The following KIF5C variants were observed in gnomAD, a reference collection of about 807,000 sequenced individuals.
The protein encoded by KIF5C is kinesin heavy chain isoform 5C.
Under a neutral mutation model 125.2 loss-of-function variants are expected in KIF5C, and 18 were observed. The ratio of observed to expected loss-of-function variants is 0.14; its 90% CI spans 0.10 to 0.21. KIF5C has a LOEUF of 0.21. Ranked by LOEUF, KIF5C falls within the 10% of genes least tolerant of loss-of-function variation. KIF5C has a pLI of 1.00. For missense variants in KIF5C, 780 were observed against 1,183.8 expected, an observed-to-expected ratio of 0.66 and a Z score of 5.01; for synonymous variants, 405 against 434.0, an observed-to-expected ratio of 0.93 and a Z score of 0.83.
chr2:148,899,702 C>CAAAAAAAAAA (rs771196518), intron 1 of KIF5C, among the ~76,000 whole-genome samples: 9 of 46,060 alleles, frequency 2.0e-4, no homozygotes, highest in Non-Finnish European at 2.3e-4. Context: ...AACTCCATCT[C>CAAAAAAAAAA]AAAAAAAAAA....
At chr2:148,981,607 T>G (rs1681238282) in intron 14 of KIF5C, 46 bp downstream of exon 14, 2 of 1,527,076 alleles carry the variant, frequency 1.3e-6, no homozygotes, top group Non-Finnish European at 1.8e-6. Flanking sequence ...TGGCTGCCGT[T>G]CCTGTACTCA....
In KIF5C at chr2:148,957,189, C is replaced by T. The variant is rs1468364874; in HGVS notation, c.969-4782C>T. 5.9e-5 allele frequency among the ~76,000 whole-genome samples: 9 copies of T among 152,214 alleles called. No homozygotes were observed. In the East Asian group the frequency reaches 1.2e-3, roughly 20 times the overall value. ...AACAAGGCTGAACAATAAATGCACA[C>T]GTGTGGGCCTGTGCCCAAGTTCCGG... On this transcript the variant is annotated intron_variant, in intron 10 of 25. Coordinates refer to ENST00000435030, the MANE Select transcript of KIF5C (RefSeq NM_004522.3).
chr2:148,887,522 G>T (rs1444626974), intron 1 of KIF5C, among the ~76,000 whole-genome samples: 1 of 152,086 alleles, frequency 6.6e-6, no homozygotes, highest in Admixed American at 6.6e-5. Context: ...TAAAAAAATC[G>T]CTTCGTATCA....
At chr2:148,961,708 A>G (rs1395502316) in intron 10 of KIF5C, among the ~76,000 whole-genome samples, 1 of 152,200 alleles carries the variant, frequency 6.6e-6, no homozygotes, top group Non-Finnish European at 1.5e-5. Flanking sequence ...AGAGAGAAAG[A>G]GGAAACCCTG....
chr2:149,011,205 A>G (rs1682184425), intron 24 of KIF5C, among the ~76,000 whole-genome samples: 1 of 152,230 alleles, frequency 6.6e-6, no homozygotes, highest in Non-Finnish European at 1.5e-5. Flanking sequence ...CCCAGAAAAC[A>G]GCATCACAGG....
At chr2:148,909,380 A>C (rs756870126) in intron 1 of KIF5C, among the ~76,000 whole-genome samples, 3 of 152,190 alleles carry the variant, frequency 2.0e-5, no homozygotes, top group Non-Finnish European at 4.4e-5. Flanking sequence ...CTTGACCCGC[A>C]TATCACAACA....
chr2:148,944,297 C>T (rs1427820775), intron 7 of KIF5C, among the ~76,000 whole-genome samples: 1 of 152,188 alleles, frequency 6.6e-6, no homozygotes, highest in Non-Finnish European at 1.5e-5. Context: ...CCAACCAAAA[C>T]TCTGTACCCA....
intron 1 of KIF5C, among the ~76,000 whole-genome samples, chr2:148,907,278 C>T (rs1681149941): frequency 6.6e-6 from 1 of 152,246 alleles, no homozygotes; most frequent in Non-Finnish European, 1.5e-5. Context: ...TCACCTCCAC[C>T]TGTGTCACAA....
intron 1 of KIF5C, among the ~76,000 whole-genome samples, chr2:148,910,383 G>C (rs1558886264): frequency 6.6e-6 from 1 of 152,342 alleles, no homozygotes; most frequent in East Asian, 1.9e-4. Flanking sequence ...CTTGTAAAAT[G>C]AAGAGTGGCA....
chr2:148,939,529 A>G (rs946163415), intron 4 of KIF5C, among the ~76,000 whole-genome samples: 23 of 152,242 alleles, frequency 1.5e-4, no homozygotes, highest in Non-Finnish European at 2.8e-4. Flanking sequence ...TGCCCTCAAA[A>G]TAGGGTCTTG....
chr2:148,897,974 C>T (rs1308695489), intron 1 of KIF5C, among the ~76,000 whole-genome samples: 1 of 123,692 alleles, frequency 8.1e-6, no homozygotes, highest in Non-Finnish European at 1.6e-5. Context: ...CTGTGTGCTC[C>T]AGGGAGAGGT....
intron 1 of KIF5C, among the ~76,000 whole-genome samples, chr2:148,906,342 AGG>A (rs1681106966): frequency 2.0e-5 from 3 of 152,206 alleles, no homozygotes; most frequent in African/African-American, 7.2e-5. Context: ...ATTGATCATA[AGG>A]AAGTCCCATG....
chr2:148,951,850 G>A (rs2105115832), intron 10 of KIF5C, among the ~76,000 whole-genome samples: 2 of 152,246 alleles, frequency 1.3e-5, no homozygotes, highest in Middle Eastern at 6.8e-3. Context: ...AGGACAGATG[G>A]GGGTGGGCAT....
chr2:149,001,815 G>A (rs1681859703), intron 21 of KIF5C, among the ~76,000 whole-genome samples: 1 of 152,216 alleles, frequency 6.6e-6, no homozygotes, highest in South Asian at 2.1e-4. Flanking sequence ...ATCCATTTTG[G>A]CTCCGTTCAT....
chr2:148,952,808 A>T (rs1056872231), intron 10 of KIF5C, among the ~76,000 whole-genome samples: 1 of 152,188 alleles, frequency 6.6e-6, no homozygotes, highest in Non-Finnish European at 1.5e-5. Flanking sequence ...CAGGTAAAAA[A>T]GTCCGTGACC....
Position 148,876,579 on chromosome 2 carries a change from C to T in KIF5C, c.126+836C>T, listed in dbSNP as rs981966844. On this transcript the variant is annotated intron_variant, in intron 1 of 25. Coordinates refer to ENST00000435030, the MANE Select transcript of KIF5C (RefSeq NM_004522.3). The surrounding 1 kb of genome is among the most constrained non-coding windows in gnomAD (Gnocchi z 4.7). ...AAGTTACTTCGTGCGGCTCGGACCCCCCTCCCTCTCTATCTCCCTTCCCCA... is the reference window on the plus strand; with the variant it reads ...AAGTTACTTCGTGCGGCTCGGACCCTCCTCCCTCTCTATCTCCCTTCCCCA... 6.6e-5 allele frequency among the ~76,000 whole-genome samples: 10 copies of T among 152,156 alleles called. No individual in the cohort carries two copies. Among genetic ancestry groups the T allele is most frequent in the African/African-American group, 1.7e-4 (7 of 41,438 alleles).
intron 10 of KIF5C, among the ~76,000 whole-genome samples, chr2:148,961,115 T>C (rs1047006328): frequency 2.6e-5 from 4 of 152,252 alleles, no homozygotes; most frequent in Non-Finnish European, 5.9e-5. Context: ...TCATCTCTTA[T>C]ACTGGAAGTG....
chr2:148,934,130 C>T (rs938293405), intron 3 of KIF5C, among the ~76,000 whole-genome samples: 15 of 151,192 alleles, frequency 9.9e-5, no homozygotes, highest in Non-Finnish European at 1.8e-4. Flanking sequence ...ATACTGCACA[C>T]GCATACATCA....
At chr2:148,893,707 G>T (rs1681766229) in intron 1 of KIF5C, among the ~76,000 whole-genome samples, 1 of 152,216 alleles carries the variant, frequency 6.6e-6, no homozygotes, top group African/African-American at 2.4e-5. Flanking sequence ...CTCAACACAT[G>T]ATTCCGAATG....
Sources: allele counts gnomAD v4.1 joint callset (sites outside exome capture counted in the v4.1 genomes callset), GRCh38; gene constraint gnomAD v4.1.1; non-coding constraint Gnocchi (gnomAD v3.1); transcripts MANE v1.5; gene names NCBI Gene and HGNC (gene_info 2026-07-23, HGNC 2026-07-21).